Variants in FAAH2 observed in about 807,000 individuals in gnomAD.
FAAH2 encodes the protein fatty-acid amide hydrolase 2.
A neutral mutation model predicts 36.9 loss-of-function variants in FAAH2; 60 were observed. The observed-to-expected ratio is 1.63, with a 90% CI of 1.32 to 2.02. The LOEUF (loss-of-function observed/expected upper bound fraction) is 2.02. Ranked by LOEUF, FAAH2 falls within the 30% of genes most tolerant of loss-of-function variation. The pLI is 0.00. For missense variants in FAAH2, 689 were observed against 397.5 expected (o/e 1.73, Z -6.23); for synonymous variants, 214 against 143.8 (o/e 1.49, Z -3.49).
At chrX:57,285,463 C>T (rs1318908517), upstream of FAAH2, among the ~76,000 whole-genome samples, 1 of 111,863 alleles carries the variant, frequency 8.9e-6, no homozygotes, top group Non-Finnish European at 1.9e-5. Flanking sequence ...CTAGATGGGG[C>T]ATAGACACAA....
chrX:57,294,325 T>C (rs1245352381), intron 2 of FAAH2, among the ~76,000 whole-genome samples: 1 of 112,333 alleles, frequency 8.9e-6, no homozygotes, highest in Non-Finnish European at 1.9e-5. Context: ...TAGGAAGATA[T>C]GTGAACTTTA....
chrX:57,327,732 C>T (rs1291428715), intron 3 of FAAH2, among the ~76,000 whole-genome samples: 2 of 111,070 alleles, frequency 1.8e-5, no homozygotes, highest in African/African-American at 6.5e-5. Flanking sequence ...TTGTAGTTAG[C>T]CATTCATCTA....
the FAAH2 span, among the ~76,000 whole-genome samples, chrX:57,265,862 G>A: frequency 6.3e-5 from 7 of 111,611 alleles, no homozygotes; most frequent in African/African-American, 2.0e-4. Context: ...GCTTTTTTAC[G>A]TGGTTCCCTG....
At chrX:57,407,361 C>T (rs776447182) in intron 7 of FAAH2, among the ~76,000 whole-genome samples, 2 of 111,782 alleles carry the variant, frequency 1.8e-5, no homozygotes, top group Non-Finnish European at 3.8e-5. Context: ...AGTGTTCTGC[C>T]CCCAGGAAGT....
intron 10 of FAAH2, among the ~76,000 whole-genome samples, chrX:57,468,858 G>A (rs2057102299): frequency 9.0e-6 from 1 of 111,592 alleles, no homozygotes; most frequent in Non-Finnish European, 1.9e-5. Flanking sequence ...GAAAGGTTGG[G>A]TTACCCACAA....
intron 1 of FAAH2, among the ~76,000 whole-genome samples, chrX:57,288,469 C>A (rs1214388684): frequency 8.5e-5 from 9 of 105,520 alleles, no homozygotes; most frequent in African/African-American, 3.2e-4. Flanking sequence ...CCTGCCTCAG[C>A]CTCCCGAGTA....
At chrX:57,160,695 G>T in the FAAH2 span, among the ~76,000 whole-genome samples, 1 of 111,638 alleles carries the variant, frequency 9.0e-6, no homozygotes, top group Non-Finnish European at 1.9e-5. Flanking sequence ...TATCCCCTTT[G>T]TCCTTTTTTA....
chrX:57,459,358 C>T (rs1162577035), intron 10 of FAAH2, among the ~76,000 whole-genome samples: 1 of 112,207 alleles, frequency 8.9e-6, no homozygotes, highest in Non-Finnish European at 1.9e-5. Context: ...CTTTCATCTC[C>T]CTGGGGCAGA....
chrX:57,480,206 C>T (rs1027413076), intron 10 of FAAH2, among the ~76,000 whole-genome samples: 1 of 111,617 alleles, frequency 9.0e-6, no homozygotes, highest in Admixed American at 9.5e-5. Flanking sequence ...GGTACCATTC[C>T]TTCTGAAACT....
At chrX:57,392,707 G>T (rs2055195242) in intron 7 of FAAH2, 2 of 616,616 alleles carry the variant, frequency 3.2e-6, no homozygotes, top group Non-Finnish European at 2.8e-6. Context: ...ACAGGGCTGG[G>T]TGGGGAGTCC....
intron 3 of FAAH2, among the ~76,000 whole-genome samples, chrX:57,329,373 T>C (rs889186912): frequency 9.0e-6 from 1 of 111,228 alleles, no homozygotes; most frequent in Non-Finnish European, 1.9e-5. Flanking sequence ...TCTATGCATG[T>C]TCCTGTAGGT....
chrX:57,166,113 T>C, the FAAH2 span, among the ~76,000 whole-genome samples: 3 of 108,991 alleles, frequency 2.8e-5, no homozygotes, highest in Admixed American at 2.9e-4. Flanking sequence ...GATGTGGAAT[T>C]CAGCTGGGGG....
the FAAH2 span, among the ~76,000 whole-genome samples, chrX:57,144,521 A>T: frequency 1.8e-5 from 2 of 108,889 alleles, no homozygotes; most frequent in Non-Finnish European, 3.8e-5. Flanking sequence ...TTTTTTAATA[A>T]TTTTTAAAAT....
intron 7 of FAAH2, among the ~76,000 whole-genome samples, chrX:57,397,798 C>A (rs1208120520): frequency 9.1e-6 from 1 of 109,943 alleles, no homozygotes; most frequent in African/African-American, 3.3e-5. Flanking sequence ...TGGGGTGCTG[C>A]ACCCATTAAC....
chrX:57,488,338 A>G (rs2057511314), intron 10 of FAAH2, among the ~76,000 whole-genome samples: 1 of 112,141 alleles, frequency 8.9e-6, no homozygotes, highest in East Asian at 2.8e-4. Context: ...AAGAAAATCC[A>G]TATATTTAAG....
chrX:57,268,006 G>T, the FAAH2 span, among the ~76,000 whole-genome samples: 13 of 112,303 alleles, frequency 1.2e-4, no homozygotes, highest in Non-Finnish European at 2.3e-4. Flanking sequence ...GGCTGAGATG[G>T]CTGAAATGAC....
At chrX:57,389,273 C>T (rs1036242817) in intron 7 of FAAH2, among the ~76,000 whole-genome samples, 3 of 47,175 alleles carry the variant, frequency 6.4e-5, no homozygotes, top group Admixed American at 3.4e-4. Context: ...CACACACACA[C>T]ACACCTACAC....
chrX:57,479,423 T>C (rs1243819055), intron 10 of FAAH2, among the ~76,000 whole-genome samples: 1 of 111,688 alleles, frequency 9.0e-6, no homozygotes, highest in Non-Finnish European at 1.9e-5. Flanking sequence ...TATACAATCA[T>C]GTCATCTGCA....
At position 57,308,561 on chromosome X, in the gene FAAH2, A is replaced by G. The variant is rs146269940; in HGVS notation, c.276-2032A>G. Among the ~76,000 whole-genome samples, 502 of 111,398 alleles carry G rather than the reference A, an allele frequency of 4.5e-3. 3 individuals carry two copies. Among genetic ancestry groups the G allele is most frequent in the African/African-American group, 0.016 (488 of 30,741 alleles). On this transcript the variant is annotated intron_variant, in intron 2 of 10. Coordinates refer to ENST00000374900, the MANE Select transcript of FAAH2 (RefSeq NM_174912.4). ...TCTGTTGGATGCATAGTTTGTAAAT[A>G]TTTTCTCCTATTCTGTAGGTTGTTT...
Sources: gnomAD v4.1 joint callset for allele counts (sites outside exome capture counted in the v4.1 genomes callset) on GRCh38, gnomAD v4.1.1 for gene constraint, MANE v1.5 for transcripts, NCBI Gene and HGNC (gene_info 2026-07-23, HGNC 2026-07-21) for gene names.